Variants in ADGRL3 observed in about 807,000 individuals in gnomAD.
The protein encoded by ADGRL3 is calcium-independent alpha-latrotoxin receptor 3.
A neutral mutation model predicts 153.5 loss-of-function variants in ADGRL3; 62 were observed. That is an observed-to-expected ratio of 0.40 (90% CI 0.33 to 0.50). ADGRL3 has a LOEUF of 0.50. Among genes scored for constraint, ADGRL3 ranks in the 20% least tolerant of loss-of-function variants. The pLI, the probability that ADGRL3 is intolerant of heterozygous loss-of-function variation, is 0.47. For synonymous variants in ADGRL3, 710 were observed against 672.5 expected, an observed-to-expected ratio of 1.06 and a Z score of -0.86; for missense variants, 1,641 against 1,859.4, an observed-to-expected ratio of 0.88 and a Z score of 2.16.
intron 5 of ADGRL3, among the ~76,000 whole-genome samples, chr4:61,603,207 G>T (rs1346147703): frequency 1.3e-5 from 2 of 152,134 alleles, no homozygotes; most frequent in Non-Finnish European, 2.9e-5. Flanking sequence ...AACAGGAATA[G>T]AATTTTAGGG....
chr4:61,249,773 T>C (rs1758534013), intron 1 of ADGRL3, among the ~76,000 whole-genome samples: 1 of 152,210 alleles, frequency 6.6e-6, no homozygotes, highest in African/African-American at 2.4e-5. Flanking sequence ...CAGTCACTGT[T>C]ATTTTCAATT....
At chr4:61,500,035 G>T (rs1382852540) in intron 3 of ADGRL3, among the ~76,000 whole-genome samples, 4 of 83,106 alleles carry the variant, frequency 4.8e-5, no homozygotes, top group Admixed American at 3.1e-4. Flanking sequence ...GAAACAGAGA[G>T]AGAGAGAGAG....
At chr4:61,492,658 A>G (rs1395472731) in intron 2 of ADGRL3, among the ~76,000 whole-genome samples, 1 of 152,136 alleles carries the variant, frequency 6.6e-6, no homozygotes, top group Non-Finnish European at 1.5e-5. Flanking sequence ...CCCATTTAGA[A>G]GACTTACTTT....
At chr4:62,052,877 G>C (rs1223540400) in intron 25 of ADGRL3, among the ~76,000 whole-genome samples, 1 of 151,162 alleles carries the variant, frequency 6.6e-6, no homozygotes, top group African/African-American at 2.4e-5. Context: ...CCTGGAATAA[G>C]TAGAATATAT....
At chr4:62,059,844 G>T (rs2151846957) in intron 25 of ADGRL3, among the ~76,000 whole-genome samples, 1 of 152,212 alleles carries the variant, frequency 6.6e-6, no homozygotes, top group Non-Finnish European at 1.5e-5. Flanking sequence ...ACAATAAAAT[G>T]AACTTTAGAA....
chr4:61,928,363 G>A (rs948125967), intron 13 of ADGRL3, among the ~76,000 whole-genome samples: 3 of 151,978 alleles, frequency 2.0e-5, no homozygotes, highest in African/African-American at 7.2e-5. Context: ...ATCCTTTAGC[G>A]TCTAACTCAA....
chr4:61,353,273 T>C (rs1281821420), intron 1 of ADGRL3, among the ~76,000 whole-genome samples: 1 of 152,168 alleles, frequency 6.6e-6, no homozygotes, highest in Non-Finnish European at 1.5e-5. Flanking sequence ...TATATAGTTA[T>C]ATAATGTGTT....
chr4:61,834,066 T>C (rs2097905313), intron 9 of ADGRL3, among the ~76,000 whole-genome samples: 1 of 150,860 alleles, frequency 6.6e-6, no homozygotes, highest in African/African-American at 2.4e-5. Flanking sequence ...CTGCACCCAT[T>C]AACTCATCAT....
At chr4:61,585,776 G>A (rs1429157770) in intron 4 of ADGRL3, among the ~76,000 whole-genome samples, 1 of 151,978 alleles carries the variant, frequency 6.6e-6, no homozygotes, top group Non-Finnish European at 1.5e-5. Context: ...CAATCTTGGA[G>A]AGGGAAACTG....
At chr4:61,523,509 T>C (rs74589774) in intron 4 of ADGRL3, among the ~76,000 whole-genome samples, 2,582 of 152,204 alleles carry the variant, frequency 0.017, 79 homozygotes, top group African/African-American at 0.059. Context: ...CTAATTGATA[T>C]GCATAATACG....
At chr4:61,963,429 A>G (rs556500676) in intron 17 of ADGRL3, among the ~76,000 whole-genome samples, 1 of 152,074 alleles carries the variant, frequency 6.6e-6, no homozygotes, top group Admixed American at 6.5e-5. Context: ...TCCACTCTCA[A>G]GAAGGCCCTA....
chr4:61,713,039 G>C (rs4295299), intron 6 of ADGRL3, among the ~76,000 whole-genome samples: 1,655 of 152,170 alleles, frequency 0.011, 24 homozygotes, highest in South Asian at 0.049. Context: ...AACGAATTCT[G>C]TGCATTAAAA....
At chr4:61,203,245 A>C (rs1427930953) in intron 1 of ADGRL3, among the ~76,000 whole-genome samples, 1 of 152,194 alleles carries the variant, frequency 6.6e-6, no homozygotes, top group Non-Finnish European at 1.5e-5. Context: ...ATGGCCAGAG[A>C]TATCATAGCA....
intron 1 of ADGRL3, among the ~76,000 whole-genome samples, chr4:61,326,481 T>G (rs2150875763): frequency 6.6e-6 from 1 of 151,554 alleles, no homozygotes; most frequent in South Asian, 2.1e-4. Flanking sequence ...TAGCTACAAT[T>G]TGTCGTTTAG....
intron 1 of ADGRL3, among the ~76,000 whole-genome samples, chr4:61,235,021 A>T (rs1343771530): frequency 6.6e-6 from 1 of 152,166 alleles, no homozygotes; most frequent in Non-Finnish European, 1.5e-5. Context: ...AACCAACCAA[A>T]TAAGGTCCCA....
At chr4:61,962,472 G>T (rs2150509789) in intron 17 of ADGRL3, among the ~76,000 whole-genome samples, 1 of 151,688 alleles carries the variant, frequency 6.6e-6, no homozygotes, top group African/African-American at 2.4e-5. Context: ...CATTTGCCTT[G>T]TTGCTAATCT....
At chr4:61,708,446 A>C (rs1335767268) in intron 6 of ADGRL3, among the ~76,000 whole-genome samples, 1 of 151,660 alleles carries the variant, frequency 6.6e-6, no homozygotes, top group African/African-American at 2.4e-5. Context: ...TACTTTAAAA[A>C]AATCTAGCTA....
At chr4:61,705,496 TTA>T (rs111974441) in intron 6 of ADGRL3, among the ~76,000 whole-genome samples, 24 of 146,996 alleles carry the variant, frequency 1.6e-4, no homozygotes, top group Admixed American at 2.1e-4. Flanking sequence ...TACATATATT[TTA>T]TATATATATA....
At chr4:61,663,623 C>G (rs1487505297) in intron 5 of ADGRL3, among the ~76,000 whole-genome samples, 1 of 152,174 alleles carries the variant, frequency 6.6e-6, no homozygotes, top group African/African-American at 2.4e-5. Flanking sequence ...ATGAGCCCAG[C>G]AGGCCGGAGC....
Sources: allele counts gnomAD v4.1 joint callset (sites outside exome capture counted in the v4.1 genomes callset), GRCh38; gene constraint gnomAD v4.1.1; transcripts MANE v1.5; gene names NCBI Gene and HGNC (gene_info 2026-07-23, HGNC 2026-07-21).